RALGAPA2: variants seen among roughly 807,000 people sequenced by gnomAD.
RALGAPA2 encodes the protein Ral GTPase activating protein catalytic subunit alpha 2.
In RALGAPA2, 139 loss-of-function variants were observed where a neutral mutation model predicts 230.4. The observed-to-expected ratio is 0.60, with a 90% CI of 0.53 to 0.69. The LOEUF is 0.69. RALGAPA2 is among the 30% of genes least tolerant of loss of function. RALGAPA2 has a pLI of 0.00. For synonymous variants in RALGAPA2, 847 were observed against 837.8 expected, an observed-to-expected ratio of 1.01 and a Z score of -0.19; for missense variants, 2,163 against 2,276.0, an observed-to-expected ratio of 0.95 and a Z score of 1.01.
At chr20:20,434,677 T>A (rs964852933) in intron 37 of RALGAPA2, among the ~76,000 whole-genome samples, 1 of 152,158 alleles carries the variant, frequency 6.6e-6, no homozygotes, top group Non-Finnish European at 1.5e-5. Context: ...GGCTCATGCA[T>A]GTAATCCCAG....
intron 16 of RALGAPA2, among the ~76,000 whole-genome samples, chr20:20,595,131 T>C (rs2065413156): frequency 1.3e-5 from 2 of 152,206 alleles, no homozygotes; most frequent in Non-Finnish European, 2.9e-5. Context: ...ATTAAGTGTG[T>C]AAGCTCTTCA....
chr20:20,551,327 G>A lies in RALGAPA2; in HGVS notation c.3157-4495C>T, dbSNP rs143207371. 1.6e-3 allele frequency among the ~76,000 whole-genome samples: 248 copies of A among 152,288 alleles called. 1 individual carries two copies. The highest frequency in any genetic ancestry group is 5.7e-3 in the African/African-American group (235 of 41,558). On this transcript the variant is annotated intron_variant, in intron 23 of 39. Transcript: ENST00000202677. ...TTCTTGAGAGTTGAACATATGACAC[G>A]TAGACAAAGATCTTTCACAAGCTTT...
chr20:20,408,001 A>T (rs572635046), intron 38 of RALGAPA2, among the ~76,000 whole-genome samples: 1 of 152,350 alleles, frequency 6.6e-6, no homozygotes, highest in Admixed American at 6.5e-5. Flanking sequence ...AGCCTATCAT[A>T]AAGGAGGAAG....
chr20:20,536,068 GATAGGAAAATCTCGGTTTTCTT>G (rs1285956945), intron 25 of RALGAPA2, among the ~76,000 whole-genome samples: 1 of 152,236 alleles, frequency 6.6e-6, no homozygotes, highest in Non-Finnish European at 1.5e-5. Flanking sequence ...CAGACTTCCA[GATAGGAAAATCTCGGTTTTCTT>G]TTACTTCAAT....
At chr20:20,591,041 C>T (rs2065273368) in intron 17 of RALGAPA2, 136 bp downstream of exon 17, 3 of 1,059,652 alleles carry the variant, frequency 2.8e-6, no homozygotes, top group Admixed American at 3.0e-5. Flanking sequence ...AAATCACATC[C>T]TTCTAATCAA....
At chr20:20,395,110 G>A (rs2059684336) in intron 39 of RALGAPA2, among the ~76,000 whole-genome samples, 1 of 152,214 alleles carries the variant, frequency 6.6e-6, no homozygotes, top group Non-Finnish European at 1.5e-5. Flanking sequence ...TGAGCCTGGA[G>A]AACAGCAGGA....
intron 36 of RALGAPA2, among the ~76,000 whole-genome samples, chr20:20,473,697 G>A (rs754149175): frequency 1.1e-4 from 16 of 152,060 alleles, no homozygotes; most frequent in Non-Finnish European, 1.8e-4. Flanking sequence ...TCTGTTATGT[G>A]GAAAACTCAC....
intron 13 of RALGAPA2, among the ~76,000 whole-genome samples, chr20:20,615,314 C>T (rs2066104084): frequency 1.3e-5 from 2 of 152,054 alleles, no homozygotes; most frequent in African/African-American, 2.4e-5. Context: ...GCAAGTGCCA[C>T]CACACCTGGC....
At chr20:20,691,831 T>C (rs571291505) in intron 1 of RALGAPA2, among the ~76,000 whole-genome samples, 1 of 152,288 alleles carries the variant, frequency 6.6e-6, no homozygotes, top group South Asian at 2.1e-4. Context: ...CCCCTCCAAA[T>C]CTCTTGTTGA....
chr20:20,392,113 C>T lies in RALGAPA2; in HGVS notation c.*1176G>A, dbSNP rs569441493. Reference sequence around the variant, plus strand: ...TCTCTGCTGCAGGACGGGCAAGGCCCACCCAGGGCGCCCCAGCAGGAGAGG... The same window carrying T: ...TCTCTGCTGCAGGACGGGCAAGGCCTACCCAGGGCGCCCCAGCAGGAGAGG... On this transcript the variant is annotated 3_prime_UTR_variant, in exon 40 of 40. Transcript: ENST00000202677. 6.6e-6 allele frequency: 1 copy of T among 152,348 alleles called. No homozygotes were observed. The highest frequency in any genetic ancestry group is 2.1e-4 in the South Asian group (1 of 4,828). The allele number at this position is 152,348 out of a possible 1,614,324, so 9.4% of individuals were successfully genotyped here.
At chr20:20,550,788 G>A (rs1293152477) in intron 23 of RALGAPA2, among the ~76,000 whole-genome samples, 1 of 152,158 alleles carries the variant, frequency 6.6e-6, no homozygotes, top group Non-Finnish European at 1.5e-5. Context: ...AAGAACATAT[G>A]CCTTTGTAAA....
At chr20:20,439,151 G>C (rs2060679303) in intron 37 of RALGAPA2, among the ~76,000 whole-genome samples, 1 of 151,994 alleles carries the variant, frequency 6.6e-6, no homozygotes, top group Non-Finnish European at 1.5e-5. Flanking sequence ...TGCCCTGACT[G>C]CCATCTGATA....
chr20:20,470,067 A>T lies in RALGAPA2; in HGVS notation c.5495+2762T>A, dbSNP rs557602293. Among the ~76,000 whole-genome samples the T allele has an allele frequency of 5.9e-5, 9 of 152,214 alleles. No homozygotes were observed. The South Asian group carries it at 1.9e-3, about 32-fold the overall frequency. On this transcript the variant is annotated intron_variant, in intron 37 of 39. Coordinates refer to ENST00000202677, the MANE Select transcript of RALGAPA2 (RefSeq NM_020343.4). ...TGCTTACATTTTTTTTTAATCATAT[A>T]AGACAATGGTATTTTTCAGTCTTCT...
At chr20:20,509,770 C>G (rs1040187264) in intron 33 of RALGAPA2, among the ~76,000 whole-genome samples, 16 of 152,154 alleles carry the variant, frequency 1.1e-4, no homozygotes, top group African/African-American at 3.6e-4. Context: ...ACAAACAAAT[C>G]CATCTTAATA....
At chr20:20,567,181 T>G (rs2064459030) in intron 23 of RALGAPA2, among the ~76,000 whole-genome samples, 1 of 152,244 alleles carries the variant, frequency 6.6e-6, no homozygotes, top group Admixed American at 6.5e-5. Context: ...CTTACAAACA[T>G]GAAAATAAAA....
chr20:20,593,300 T>G (rs2065350202), intron 16 of RALGAPA2, among the ~76,000 whole-genome samples: 1 of 152,384 alleles, frequency 6.6e-6, no homozygotes, highest in Admixed American at 6.5e-5. Context: ...AGCCTCATGT[T>G]TCCCAGGTTG....
intron 23 of RALGAPA2, among the ~76,000 whole-genome samples, chr20:20,554,632 CTTTG>C (rs942740795): frequency 5.3e-5 from 8 of 151,280 alleles, no homozygotes; most frequent in Middle Eastern, 3.4e-3. Context: ...ATTTTCATTT[CTTTG>C]TTTATTTTTG....
intron 37 of RALGAPA2, among the ~76,000 whole-genome samples, chr20:20,439,749 T>G (rs896842280): frequency 2.0e-5 from 3 of 152,164 alleles, no homozygotes; most frequent in South Asian, 4.1e-4. Flanking sequence ...AAAATTATCT[T>G]TCTACAGTTC....
At chr20:20,428,903 T>A (rs1446679322) in intron 37 of RALGAPA2, among the ~76,000 whole-genome samples, 1 of 152,128 alleles carries the variant, frequency 6.6e-6, no homozygotes, top group Non-Finnish European at 1.5e-5. Flanking sequence ...TCTTTGATCC[T>A]ATAATATTCA....
Sources: gnomAD v4.1 joint callset for allele counts (sites outside exome capture counted in the v4.1 genomes callset) on GRCh38, gnomAD v4.1.1 for gene constraint, MANE v1.5 for transcripts, NCBI Gene and HGNC (gene_info 2026-07-23, HGNC 2026-07-21) for gene names.